BCAS3: variants seen among roughly 807,000 people sequenced by gnomAD.
BCAS3 encodes BCAS3 microtubule associated cell migration factor.
Under a neutral mutation model 116.1 loss-of-function variants are expected in BCAS3, and 53 were observed. The ratio of observed to expected loss-of-function variants is 0.46; its 90% CI spans 0.37 to 0.57. The LOEUF (loss-of-function observed/expected upper bound fraction) is 0.57, where lower values mean the gene tolerates loss of function less well. BCAS3 is among the 20% of genes least tolerant of loss of function. BCAS3 has a pLI of 0.00. For synonymous variants in BCAS3, 391 were observed against 408.2 expected (o/e 0.96, Z 0.51); for missense variants, 917 against 1,165.4 (o/e 0.79, Z 3.10).
At chr17:61,111,145 A>G (rs28778388) in intron 22 of BCAS3, among the ~76,000 whole-genome samples, 1 of 151,778 alleles carries the variant, frequency 6.6e-6, no homozygotes, top group Non-Finnish European at 1.5e-5. Flanking sequence ...AAAAAACAGA[A>G]CAGAAAAACT....
intron 22 of BCAS3, among the ~76,000 whole-genome samples, chr17:61,184,378 C>T (rs907597455): frequency 1.3e-5 from 2 of 151,952 alleles, no homozygotes; most frequent in Non-Finnish European, 2.9e-5. Flanking sequence ...TGAAGAGTTG[C>T]TCTGTCATTA....
intron 7 of BCAS3, among the ~76,000 whole-genome samples, chr17:60,829,063 C>T (rs1321602995): frequency 6.6e-6 from 1 of 151,670 alleles, no homozygotes; most frequent in Non-Finnish European, 1.5e-5. Flanking sequence ...GTTTGAGAAA[C>T]CCTGATCCAA....
intron 4 of BCAS3, among the ~76,000 whole-genome samples, chr17:60,704,304 C>T (rs1174988496): frequency 6.6e-6 from 1 of 151,718 alleles, no homozygotes; most frequent in Non-Finnish European, 1.5e-5. Context: ...GAATTAACGC[C>T]AGGAAGGGAT....
intron 6 of BCAS3, among the ~76,000 whole-genome samples, chr17:60,763,205 T>A (rs2043718996): frequency 1.3e-5 from 2 of 152,158 alleles, no homozygotes; most frequent in Admixed American, 6.5e-5. Flanking sequence ...CTTGCCTGAT[T>A]GCCCTGGCCA....
chr17:60,973,365 C>T (rs1351056145), intron 14 of BCAS3, among the ~76,000 whole-genome samples: 1 of 151,966 alleles, frequency 6.6e-6, no homozygotes, highest in Admixed American at 6.6e-5. Flanking sequence ...GTAAAAGAGG[C>T]TAGGCAATCA....
intron 7 of BCAS3, among the ~76,000 whole-genome samples, chr17:60,820,073 CTT>C (rs374234519): frequency 2.7e-5 from 4 of 145,598 alleles, no homozygotes; most frequent in Non-Finnish European, 3.0e-5. Flanking sequence ...ATCTTTTTTT[CTT>C]TTTTTTTTTT....
chr17:61,370,271 C>CTT (rs67112430), intron 23 of BCAS3, among the ~76,000 whole-genome samples: 91 of 146,722 alleles, frequency 6.2e-4, no homozygotes, highest in South Asian at 2.0e-3. Flanking sequence ...AGGAGACTCC[C>CTT]TTTTTTTTTT....
At chr17:61,331,184 A>T (rs1019319952) in intron 22 of BCAS3, among the ~76,000 whole-genome samples, 6 of 152,160 alleles carry the variant, frequency 3.9e-5, no homozygotes, top group African/African-American at 1.4e-4. Context: ...GCCTCAGCAC[A>T]CAGGGGTAGG....
Position 61,307,303 on chromosome 17 carries a change from T to A in BCAS3, c.2426-61024T>A, listed in dbSNP as rs935581660. 6.6e-6 allele frequency among the ~76,000 whole-genome samples: 1 copy of A among 152,356 alleles called. No homozygotes were observed. The highest frequency in any genetic ancestry group is 1.9e-4 in the East Asian group (1 of 5,192). On this transcript the variant is annotated intron_variant, in intron 22 of 23. Transcript: ENST00000407086. This position sits in a 1 kb window ranked among gnomAD's most constrained non-coding sequence, Gnocchi z 4.7. ...AGGAGATTTTTCTGCCAGTTTTAAT[T>A]TACTTTTTGGGGAACGAAAAAAACT... is the stretch of plus-strand genomic sequence containing the variant.
intron 13 of BCAS3, 64 bp downstream of exon 13, chr17:60,924,564 A>T: frequency 8.0e-7 from 1 of 1,247,380 alleles, no homozygotes. Flanking sequence ...TGGGTTTTCC[A>T]GCCAAATATG....
chr17:61,179,802 A>G (rs2079369165), intron 22 of BCAS3, among the ~76,000 whole-genome samples: 1 of 151,998 alleles, frequency 6.6e-6, no homozygotes, highest in African/African-American at 2.4e-5. Context: ...TATGAACTCC[A>G]GAGAGAGGAG....
At chr17:61,052,255 T>C (rs1198623933) in intron 19 of BCAS3, among the ~76,000 whole-genome samples, 1 of 152,158 alleles carries the variant, frequency 6.6e-6, no homozygotes, top group Non-Finnish European at 1.5e-5. Flanking sequence ...TTTTCCTCTC[T>C]GGTTTTATAT....
At chr17:61,234,816 C>G (rs1568630462) in intron 22 of BCAS3, among the ~76,000 whole-genome samples, 1 of 150,604 alleles carries the variant, frequency 6.6e-6, no homozygotes, top group African/African-American at 2.5e-5. Context: ...CATAGTACTG[C>G]TTCGCATTTT....
chr17:61,108,582 C>A (rs1414614157), intron 22 of BCAS3, among the ~76,000 whole-genome samples: 1 of 131,660 alleles, frequency 7.6e-6, no homozygotes, highest in Non-Finnish European at 1.6e-5. Context: ...TTCTAAAATT[C>A]TATCTTGATT....
In BCAS3 at chr17:61,376,812, A is replaced by AT. The variant is rs2059361938; in HGVS notation, c.2593+8320dup. Among the ~76,000 whole-genome samples, 2 of 152,282 alleles carry AT rather than the reference A, an allele frequency of 1.3e-5. No homozygotes were observed. Among genetic ancestry groups the AT allele is most frequent in the Non-Finnish European group, 1.5e-5 (1 of 68,016 alleles). On this transcript the variant is annotated intron_variant, in intron 23 of 23. Transcript: ENST00000407086. The surrounding 1 kb of genome is among the most constrained non-coding windows in gnomAD (Gnocchi z 4.5). ...TAGGGCTTTTCCTCTGCCTTATCTA[A>AT]TTGGGCCCTGGAGTTTTCCTCCTTC...
intron 4 of BCAS3, among the ~76,000 whole-genome samples, chr17:60,703,139 G>T (rs1215268239): frequency 6.6e-6 from 1 of 151,960 alleles, no homozygotes; most frequent in African/African-American, 2.4e-5. Flanking sequence ...GCTGGGTGTT[G>T]TGGCAGGTGC....
At position 60,969,910 on chromosome 17, in the gene BCAS3, G is replaced by A. The variant is rs1360643000; in HGVS notation, c.1222-20061G>A. On this transcript the variant is annotated intron_variant, in intron 14 of 23. Transcript: ENST00000407086. ...GAAGGACTCAAAGAATAAAATATTG[G>A]CCACCTGAAGTTTTCCATCAAACAA... Among the ~76,000 whole-genome samples the A allele has an allele frequency of 2.6e-5, 4 of 152,114 alleles. No homozygotes were observed. In the East Asian group the frequency reaches 7.7e-4, roughly 29 times the overall value.
At chr17:60,917,130 G>A (rs2058818701) in intron 12 of BCAS3, among the ~76,000 whole-genome samples, 2 of 152,138 alleles carry the variant, frequency 1.3e-5, no homozygotes, top group Admixed American at 1.3e-4. Flanking sequence ...ACTGATGAAT[G>A]GGTGGATAAA....
rs1305407708 is a variant in BCAS3, at chr17:61,326,422, A to G, written c.2426-41905A>G. 3.3e-5 allele frequency among the ~76,000 whole-genome samples: 5 copies of G among 152,212 alleles called. No individual in the cohort carries two copies. The highest frequency in any genetic ancestry group is 3.3e-4 in the Admixed American group (5 of 15,284). ...CATGTGGACTTTAGTTTTATCCTAA[A>G]TGAGAAGCATGTTTTCAGCAGAGGG... On this transcript the variant is annotated intron_variant, in intron 22 of 23. Coordinates refer to ENST00000407086, the MANE Select transcript of BCAS3 (RefSeq NM_017679.5). The surrounding 1 kb of genome is among the most constrained non-coding windows in gnomAD (Gnocchi z 5.3).
Sources: gnomAD v4.1 joint callset for allele counts (sites outside exome capture counted in the v4.1 genomes callset) on GRCh38, gnomAD v4.1.1 for gene constraint, Gnocchi (gnomAD v3.1) non-coding constraint, MANE v1.5 for transcripts, NCBI Gene and HGNC (gene_info 2026-07-23, HGNC 2026-07-21) for gene names.